The following EPHA6 variants were observed in gnomAD, a reference collection of about 807,000 sequenced individuals.
EPHA6 encodes the protein ephrin type-A receptor 6.
In EPHA6, 50 loss-of-function variants were observed where a neutral mutation model predicts 112.0. That is an observed-to-expected ratio of 0.45 (90% CI 0.36 to 0.56). EPHA6 has a LOEUF of 0.56. EPHA6 is among the 20% of genes least tolerant of loss of function. The probability of loss-of-function intolerance (pLI) is 0.00; values close to 1 mark genes in which losing one functional copy is unlikely to be tolerated. For missense variants in EPHA6, 1,280 were observed against 1,417.4 expected, an observed-to-expected ratio of 0.90 and a Z score of 1.56; for synonymous variants, 529 against 490.7, an observed-to-expected ratio of 1.08 and a Z score of -1.03.
At chr3:97,237,773 A>T (rs1335613677) in intron 4 of EPHA6, among the ~76,000 whole-genome samples, 1 of 151,924 alleles carries the variant, frequency 6.6e-6, no homozygotes, top group Non-Finnish European at 1.5e-5. Context: ...TTTCTAATGG[A>T]TGCTTGTCTA....
At chr3:97,050,048 A>T (rs1357933725) in intron 3 of EPHA6, among the ~76,000 whole-genome samples, 1 of 152,206 alleles carries the variant, frequency 6.6e-6, no homozygotes, top group Non-Finnish European at 1.5e-5. Flanking sequence ...AAACCATTTG[A>T]AAGCTATCAG....
rs755762069 is a variant in EPHA6, at chr3:97,592,633, T to A, written c.2408T>A (p.Val803Glu). ...AAAGGATCCTTCCCGGCCATTGGGG[T>A]GGAGGCGTTTTGCCCCAGCTTCCTG... ...VTKRSFPAIG[V>E]EAFCPSFLRA... The change falls in exon 12 of 18, where the codon GTG (valine) becomes GAG (glutamate). Residue 803 changes from valine to glutamate, a missense_variant. This residue lies in a region of EPHA6 where 878 missense variants were observed against 999.7 expected (regional missense o/e 0.88). Transcript: ENST00000389672. 1.2e-6 allele frequency: 2 copies of A among 1,613,436 alleles called. No homozygotes were observed. The highest frequency in any genetic ancestry group is 2.7e-5 in the African/African-American group (2 of 74,946).
intron 5 of EPHA6, among the ~76,000 whole-genome samples, chr3:97,330,373 A>T (rs919153730): frequency 3.9e-5 from 6 of 152,142 alleles, no homozygotes; most frequent in Admixed American, 2.0e-4. Flanking sequence ...TGGTAGTTTG[A>T]TGGGGATGGC....
At chr3:96,895,400 A>G (rs2038213023) in intron 2 of EPHA6, among the ~76,000 whole-genome samples, 1 of 152,210 alleles carries the variant, frequency 6.6e-6, no homozygotes, top group African/African-American at 2.4e-5. Flanking sequence ...TAAAAAATTA[A>G]AAGTCTGTAA....
intron 3 of EPHA6, among the ~76,000 whole-genome samples, chr3:97,074,663 GCAAAA>G (rs2046461249): frequency 1.3e-5 from 2 of 151,740 alleles, no homozygotes; most frequent in African/African-American, 4.8e-5. Flanking sequence ...ATACATAAAA[GCAAAA>G]CAAAATTCCA....
intron 2 of EPHA6, among the ~76,000 whole-genome samples, chr3:96,891,760 T>C (rs1232965069): frequency 6.6e-6 from 1 of 152,172 alleles, no homozygotes; most frequent in East Asian, 1.9e-4. Flanking sequence ...TGTTTTGACA[T>C]AGATGATAGC....
chr3:97,210,543 C>T (rs1256330029), intron 3 of EPHA6, among the ~76,000 whole-genome samples: 1 of 152,088 alleles, frequency 6.6e-6, no homozygotes, highest in Non-Finnish European at 1.5e-5. Flanking sequence ...ACCAATTATT[C>T]TTTAAAAGTG....
At chr3:97,573,119 A>G (rs764628923) in intron 11 of EPHA6, among the ~76,000 whole-genome samples, 1 of 152,248 alleles carries the variant, frequency 6.6e-6, no homozygotes, top group Non-Finnish European at 1.5e-5. Flanking sequence ...GAATAATGCT[A>G]AACTCTTATT....
At chr3:97,458,852 T>C (rs1315258964) in intron 7 of EPHA6, among the ~76,000 whole-genome samples, 1 of 152,110 alleles carries the variant, frequency 6.6e-6, no homozygotes, top group East Asian at 1.9e-4. Context: ...TATTAATAAA[T>C]GGGCCAGATA....
chr3:97,625,112 G>T (rs1449878398), intron 13 of EPHA6, among the ~76,000 whole-genome samples: 1 of 150,838 alleles, frequency 6.6e-6, no homozygotes, highest in East Asian at 1.9e-4. Flanking sequence ...TTCTTCTCTT[G>T]TTCCTTACGT....
chr3:97,034,445 C>G (rs1342848171), intron 3 of EPHA6, among the ~76,000 whole-genome samples: 2 of 151,824 alleles, frequency 1.3e-5, no homozygotes, highest in African/African-American at 4.8e-5. Context: ...ATATATAATT[C>G]TTTTACTGTC....
chr3:97,603,788 G>A (rs974476953), intron 12 of EPHA6, among the ~76,000 whole-genome samples: 2 of 151,836 alleles, frequency 1.3e-5, no homozygotes, highest in Non-Finnish European at 2.9e-5. Context: ...TCTACCCTAA[G>A]AGAAACCATC....
chr3:97,166,071 T>C (rs1193355898), intron 3 of EPHA6, among the ~76,000 whole-genome samples: 1 of 152,142 alleles, frequency 6.6e-6, no homozygotes, highest in Non-Finnish European at 1.5e-5. Flanking sequence ...CACTATGTTT[T>C]TTAATATTGA....
intron 6 of EPHA6, among the ~76,000 whole-genome samples, chr3:97,410,494 C>T (rs2087644331): frequency 6.6e-6 from 1 of 152,014 alleles, no homozygotes. Flanking sequence ...TATTTAGGTA[C>T]AGAAACACAT....
chr3:97,478,043 C>T (rs1287834355), intron 8 of EPHA6, among the ~76,000 whole-genome samples: 1 of 151,836 alleles, frequency 6.6e-6, no homozygotes, highest in African/African-American at 2.4e-5. Context: ...CATGTGCACA[C>T]ATATGTTTAT....
chr3:97,233,008 G>T (rs2078573866), intron 4 of EPHA6, among the ~76,000 whole-genome samples: 1 of 152,108 alleles, frequency 6.6e-6, no homozygotes, highest in African/African-American at 2.4e-5. Flanking sequence ...GTACCTGCTT[G>T]AGCCCACTCG....
In EPHA6 at chr3:97,758,909, G is replaced by GT. The variant is rs1203809185; in HGVS notation, c.*10209dup. ...TGAAATGAGGCAAAAAGAGGAGAAG[G>GT]TATACGCATGAGGCTACTGGAGTAA... is the stretch of plus-strand genomic sequence containing the variant. On this transcript the variant is annotated 3_prime_UTR_variant, in exon 18 of 18. Transcript: ENST00000389672. Among the ~76,000 whole-genome samples, 2 of 151,928 alleles carry GT rather than the reference G, an allele frequency of 1.3e-5. No individual in the cohort carries two copies. The highest frequency in any genetic ancestry group is 4.8e-5 in the African/African-American group (2 of 41,408).
chr3:97,348,465 C>A (rs2083642712), intron 5 of EPHA6, among the ~76,000 whole-genome samples: 1 of 151,826 alleles, frequency 6.6e-6, no homozygotes, highest in African/African-American at 2.4e-5. Context: ...AATCTTGATT[C>A]CACATATAAG....
At chr3:97,131,963 G>A (rs559341935) in intron 3 of EPHA6, among the ~76,000 whole-genome samples, 3 of 152,130 alleles carry the variant, frequency 2.0e-5, no homozygotes, top group South Asian at 4.1e-4. Context: ...TTCCACTAAG[G>A]ATGAAGAAAA....
Sources: gnomAD v4.1 joint callset for allele counts (sites outside exome capture counted in the v4.1 genomes callset) on GRCh38, gnomAD v4.1.1 for gene constraint, gnomAD v4.1.1 regional missense constraint, MANE v1.5 for transcripts, NCBI Gene and HGNC (gene_info 2026-07-23, HGNC 2026-07-21) for gene names.